The following ARHGAP39 variants were observed in gnomAD, a reference collection of about 807,000 sequenced individuals.
The protein encoded by ARHGAP39 is Rho GTPase activating protein 39, also known as rho GTPase-activating protein 39.
ARHGAP39 carries 44 observed loss-of-function variants against 106.9 expected under a neutral mutation model. The ratio of observed to expected loss-of-function variants is 0.41; its 90% CI spans 0.32 to 0.53. The LOEUF is 0.53. Among genes scored for constraint, ARHGAP39 ranks in the 20% least tolerant of loss-of-function variants. The pLI, the probability that ARHGAP39 is intolerant of heterozygous loss-of-function variation, is 0.21. For synonymous variants in ARHGAP39, 768 were observed against 693.2 expected, an observed-to-expected ratio of 1.11 and a Z score of -1.69; for missense variants, 1,496 against 1,577.3, an observed-to-expected ratio of 0.95 and a Z score of 0.87.
intron 6 of ARHGAP39, among the ~76,000 whole-genome samples, chr8:144,542,055 T>C (rs930961348): frequency 1.3e-5 from 2 of 151,926 alleles, no homozygotes; most frequent in African/African-American, 2.4e-5. Context: ...CCATGTTCAA[T>C]CCGCCATCTT....
chr8:144,689,228 G>T, upstream of ARHGAP39, among the ~76,000 whole-genome samples: 1 of 151,514 alleles, frequency 6.6e-6, no homozygotes, highest in African/African-American at 2.4e-5. Flanking sequence ...CTGCAAGTTT[G>T]ACTTTTTTTT....
intron 1 of ARHGAP39, chr8:144,605,939 CA>C (rs1383927482): frequency 7.8e-5 from 30 of 382,560 alleles, no homozygotes; most frequent in Middle Eastern, 7.5e-4. Context: ...GGATCCCCCC[CA>C]TGCCAGTCTG....
chr8:144,606,536 C>T (rs938395041), intron 1 of ARHGAP39, among the ~76,000 whole-genome samples: 1 of 152,076 alleles, frequency 6.6e-6, no homozygotes, highest in Non-Finnish European at 1.5e-5. Flanking sequence ...ACAAAATGCA[C>T]GTGAATTGAC....
At chr8:144,561,940 A>ACT in intron 3 of ARHGAP39, among the ~76,000 whole-genome samples, 1 of 123,078 alleles carries the variant, frequency 8.1e-6, no homozygotes, top group African/African-American at 3.4e-5. Flanking sequence ...GGTTTCCATC[A>ACT]CACTCCAGTG....
chr8:144,669,491 G>A, intron 1 of ARHGAP39, among the ~76,000 whole-genome samples: 1 of 109,404 alleles, frequency 9.1e-6, no homozygotes, highest in Non-Finnish European at 1.8e-5. Context: ...TGGATGATAG[G>A]GCGAGACTCG....
At chr8:144,535,729 T>C (rs1816927825) in intron 7 of ARHGAP39, among the ~76,000 whole-genome samples, 1 of 152,222 alleles carries the variant, frequency 6.6e-6, no homozygotes. Context: ...CTGAGCCTGC[T>C]TGGGACTGGG....
intron 2 of ARHGAP39, among the ~76,000 whole-genome samples, chr8:144,600,879 GCTC>G (rs1353830111): frequency 3.3e-5 from 5 of 150,810 alleles, no homozygotes. Context: ...GTGCGTGCGT[GCTC>G]GTGTACCTGT....
intron 1 of ARHGAP39, among the ~76,000 whole-genome samples, chr8:144,653,100 C>T (rs931647845): frequency 2.2e-4 from 33 of 152,058 alleles, no homozygotes; most frequent in African/African-American, 7.5e-4. Context: ...GAGTTTGACG[C>T]CAGCCTGATC....
At chr8:144,681,732 G>A (rs1384717074) in intron 1 of ARHGAP39, among the ~76,000 whole-genome samples, 1 of 152,142 alleles carries the variant, frequency 6.6e-6, no homozygotes, top group Non-Finnish European at 1.5e-5. Context: ...ATCTATCTTA[G>A]GCTATTTGTG....
intron 6 of ARHGAP39, among the ~76,000 whole-genome samples, chr8:144,539,493 C>A (rs1327007012): frequency 6.6e-6 from 1 of 152,200 alleles, no homozygotes; most frequent in East Asian, 1.9e-4. Context: ...CTCAGGAGAG[C>A]AAGCATTTTC....
chr8:144,564,700 G>C (rs569237658), intron 3 of ARHGAP39, among the ~76,000 whole-genome samples: 1 of 152,184 alleles, frequency 6.6e-6, no homozygotes, highest in African/African-American at 2.4e-5. Context: ...ATACACTGGG[G>C]CTGGGCATGG....
chr8:144,617,883 A>T (rs1820680249), intron 1 of ARHGAP39, among the ~76,000 whole-genome samples: 1 of 152,104 alleles, frequency 6.6e-6, no homozygotes, highest in African/African-American at 2.4e-5. Flanking sequence ...CCGGGCTCAA[A>T]TGATGCTCCA....
chr8:144,545,713 C>T lies in ARHGAP39; in HGVS notation c.2057G>A (p.Arg686His), dbSNP rs200436172. 1.7e-5 allele frequency: 28 copies of T among 1,612,766 alleles called. No individual in the cohort carries two copies. Among genetic ancestry groups the T allele is most frequent in the Non-Finnish European group, 1.5e-5 (18 of 1,179,958 alleles). ...GATGTCCGTCTCCGAGGAGGGCTTG[C>T]GCAGCGTGAAAGTGGGGAAGACGCA... ...SSCVFPTFTL[R>H]KPSSETDIEN... Residue 686 changes from arginine (R) to histidine (H), a missense_variant, in exon 6 of 12, where the codon CGC becomes CAC. Coordinates refer to ENST00000377307, the MANE Select transcript of ARHGAP39 (RefSeq NM_025251.3).
chr8:144,674,289 C>T lies in ARHGAP39; in HGVS notation c.-82+11397G>A, dbSNP rs79866568. On this transcript the variant is annotated intron_variant, in intron 1 of 11. Coordinates refer to ENST00000377307, the MANE Select transcript of ARHGAP39 (RefSeq NM_025251.3). ...CGAGGTGGAGAGGAGCTTCACTGTG[C>T]GACAGAACAGCTCTTGGGAGACCCA... Among the ~76,000 whole-genome samples the T allele has an allele frequency of 1.8e-3, 279 of 152,284 alleles. 6 individuals are homozygous for T. The East Asian group carries it at 0.03, about 16-fold the overall frequency.
chr8:144,591,859 G>GCGTCGCCT lies in ARHGAP39; in HGVS notation c.81-10590_81-10583dup, dbSNP rs1241744999. Among the ~76,000 whole-genome samples, 7 of 152,290 alleles carry GCGTCGCCT rather than the reference G, an allele frequency of 4.6e-5. No homozygotes were observed. Among genetic ancestry groups the GCGTCGCCT allele is most frequent in the African/African-American group, 1.4e-4 (6 of 41,572 alleles). ...CCAGGGCGGCTTCCCCTGGATGGCG[G>GCGTCGCCT]CGTCGCCTCGTCGCCTCGTGCCTGC... On this transcript the variant is annotated intron_variant, in intron 2 of 11. Transcript: ENST00000377307. This position sits in a 1 kb window ranked among gnomAD's most constrained non-coding sequence, Gnocchi z 5.3.
intron 1 of ARHGAP39, among the ~76,000 whole-genome samples, chr8:144,669,008 C>A (rs992644562): frequency 4.0e-5 from 6 of 151,734 alleles, no homozygotes; most frequent in African/African-American, 1.5e-4. Flanking sequence ...AGAAATAAAC[C>A]CTCAAATTTA....
chr8:144,665,267 G>A (rs1178338438), intron 1 of ARHGAP39, among the ~76,000 whole-genome samples: 3 of 152,242 alleles, frequency 2.0e-5, no homozygotes, highest in Non-Finnish European at 2.9e-5. Flanking sequence ...TGACTTGGGT[G>A]CTGTTAAAAG....
rs767897302 is a variant in ARHGAP39, at chr8:144,548,302, C to T, written c.784G>A (p.Asp262Asn). Reference sequence around the variant, plus strand: ...CTCTCTGGGAAGAAGATGGTGCCGTCAGCCTCCGGGGCGAAGGTCTGCAGG... The same window carrying T: ...CTCTCTGGGAAGAAGATGGTGCCGTTAGCCTCCGGGGCGAAGGTCTGCAGG... ...PSLQTFAPEA[D>N]GTIFFPERRP... Residue 262 changes from aspartate to asparagine, a missense_variant, in exon 5 of 12, where the codon GAC (aspartate) becomes AAC (asparagine). By Grantham distance (23) the Asp-to-Asn change is conservative (BLOSUM62 1). Transcript: ENST00000377307. This position sits in a 1 kb window ranked among gnomAD's most constrained non-coding sequence, Gnocchi z 7.4. 1.2e-6 allele frequency: 2 copies of T among 1,608,722 alleles called. No homozygotes were observed. Among genetic ancestry groups the T allele is most frequent in the African/African-American group, 1.3e-5 (1 of 74,852 alleles).
At chr8:144,635,601 C>A (rs1046691417) in intron 1 of ARHGAP39, among the ~76,000 whole-genome samples, 5 of 152,226 alleles carry the variant, frequency 3.3e-5, no homozygotes, top group Admixed American at 6.5e-5. Flanking sequence ...CCTGGTTGGT[C>A]AGAGCTCGGG....
Sources: allele counts gnomAD v4.1 joint callset (sites outside exome capture counted in the v4.1 genomes callset), GRCh38; gene constraint gnomAD v4.1.1; non-coding constraint Gnocchi (gnomAD v3.1); transcripts MANE v1.5; gene names NCBI Gene and HGNC (gene_info 2026-07-23, HGNC 2026-07-21).